Variants in ABCG1 observed in about 807,000 individuals in gnomAD.
The protein encoded by ABCG1 is ATP-binding cassette sub-family G member 1.
Under a neutral mutation model 69.2 loss-of-function variants are expected in ABCG1, and 29 were observed. The ratio of observed to expected loss-of-function variants is 0.42; its 90% confidence interval spans 0.31 to 0.57. ABCG1 has a LOEUF of 0.57. Ranked by LOEUF, ABCG1 falls within the 20% of genes least tolerant of loss-of-function variation. The pLI is 0.15. For missense variants in ABCG1, 718 were observed against 898.1 expected (o/e 0.80, Z 2.56); for synonymous variants, 370 against 374.8 (o/e 0.99, Z 0.15).
upstream of ABCG1, among the ~76,000 whole-genome samples, chr21:42,218,643 G>T (rs2067669273): frequency 6.8e-6 from 1 of 147,110 alleles, no homozygotes; most frequent in Non-Finnish European, 1.5e-5. Flanking sequence ...TGTTGGGGGC[G>T]TTGGAGTGGT....
chr21:42,213,248 C>T (rs2067606951), upstream of ABCG1, among the ~76,000 whole-genome samples: 1 of 152,226 alleles, frequency 6.6e-6, no homozygotes, highest in African/African-American at 2.4e-5. Flanking sequence ...GTCTGGGGGA[C>T]AGAACTATGC....
At chr21:42,262,896 T>G (rs1403364974) in intron 2 of ABCG1, among the ~76,000 whole-genome samples, 1 of 152,192 alleles carries the variant, frequency 6.6e-6, no homozygotes, top group Non-Finnish European at 1.5e-5. Flanking sequence ...CCCACCCCAG[T>G]GAGCTCTGGC....
chr21:42,279,073 C>T (rs2068759701), intron 5 of ABCG1, among the ~76,000 whole-genome samples: 1 of 152,160 alleles, frequency 6.6e-6, no homozygotes, highest in Non-Finnish European at 1.5e-5. Context: ...CCCCCGGCCT[C>T]CCTGCTTTCA....
intron 2 of ABCG1, among the ~76,000 whole-genome samples, chr21:42,252,568 G>A (rs924346819): frequency 2.6e-5 from 4 of 152,108 alleles, no homozygotes; most frequent in Non-Finnish European, 4.4e-5. Flanking sequence ...GCTTTGGATG[G>A]TCTCTGGTTG....
intron 6 of ABCG1, among the ~76,000 whole-genome samples, chr21:42,283,136 G>A (rs921420515): frequency 3.9e-5 from 6 of 152,294 alleles, no homozygotes; most frequent in South Asian, 2.1e-4. Flanking sequence ...CAGACTTTAC[G>A]TTGTCTCATT....
rs1601399356 is a variant in ABCG1, at chr21:42,255,504, G to A, written c.287-15566G>A. Among the ~76,000 whole-genome samples, 5 of 152,254 alleles carry A rather than the reference G, an allele frequency of 3.3e-5. 1 individual carries two copies. The stretch of plus-strand genomic sequence containing the variant: ...CACATGGTGTGTGCATGGCATGGGT[G>A]TGTATCATGGCCTGTGTGTGCACAC... On this transcript the variant is annotated intron_variant, in intron 2 of 14. Coordinates refer to ENST00000398449, the MANE Select transcript of ABCG1 (RefSeq NM_016818.3).
chr21:42,242,852 T>C (rs1315312167), intron 2 of ABCG1, among the ~76,000 whole-genome samples: 1 of 152,046 alleles, frequency 6.6e-6, no homozygotes, highest in Non-Finnish European at 1.5e-5. Context: ...CCTGAGGGCT[T>C]GTGAAAATGC....
chr21:42,294,769 G>A, intron 14 of ABCG1, 109 bp downstream of exon 14: 2 of 967,246 alleles, frequency 2.1e-6, no homozygotes, highest in Non-Finnish European at 3.3e-6. Flanking sequence ...CTGGCCAAGA[G>A]CAGATTACAC....
chr21:42,201,981 C>T (rs560554646), intron 2 of ABCG1, among the ~76,000 whole-genome samples: 1 of 152,330 alleles, frequency 6.6e-6, no homozygotes, highest in East Asian at 1.9e-4. Flanking sequence ...TGCCCTTGTC[C>T]CCCAAACCAC....
At chr21:42,274,484 T>C (rs1344511652) in intron 4 of ABCG1, among the ~76,000 whole-genome samples, 2 of 149,552 alleles carry the variant, frequency 1.3e-5, no homozygotes, top group African/African-American at 5.0e-5. Flanking sequence ...CCTTTTTTTT[T>C]TTTTTTTGGG....
In ABCG1 at chr21:42,296,244, AC is replaced by A; in HGVS notation, c.1854del (p.Phe619SerfsTer122). 6.2e-7 allele frequency: 1 copy of A among 1,614,180 alleles called. No individual in the cohort carries two copies. Among genetic ancestry groups the A allele is most frequent in the South Asian group, 1.1e-5 (1 of 91,080 alleles). ...CACTGTGACATCGACGAGACGTGCC[AC>A]TTCCAGAAGTCGGAGGCCATCCTGC... ...DLHCDIDETCHFQKSEAILRE... is the reference protein window; with the variant it reads ...DLHCDIDETCXFQKSEAILRE... On this transcript the variant is annotated frameshift_variant, in exon 15 of 15. Transcript: ENST00000398449. LOFTEE classifies it high-confidence loss of function. This position sits in a 1 kb window ranked among gnomAD's most constrained non-coding sequence, Gnocchi z 5.4.
At chr21:42,270,521 A>G (rs2092497871) in intron 2 of ABCG1, among the ~76,000 whole-genome samples, 2 of 152,078 alleles carry the variant, frequency 1.3e-5, no homozygotes, top group South Asian at 4.1e-4. Flanking sequence ...TATATTGATT[A>G]TTTAATCATA....
At chr21:42,224,581 C>A (rs2067784078) in intron 1 of ABCG1, among the ~76,000 whole-genome samples, 1 of 152,188 alleles carries the variant, frequency 6.6e-6, no homozygotes, top group Non-Finnish European at 1.5e-5. Flanking sequence ...TTTAGCCACA[C>A]AATATTATAG....
chr21:42,200,596 CTTTTT>C (rs200131320), intron 1 of ABCG1, among the ~76,000 whole-genome samples: 1 of 138,692 alleles, frequency 7.2e-6, no homozygotes, highest in East Asian at 2.1e-4. Context: ...TTATGTTGCA[CTTTTT>C]TTTTTTTTTT....
intron 2 of ABCG1, among the ~76,000 whole-genome samples, chr21:42,248,747 T>TA (rs58099499): frequency 0.084 from 12,058 of 144,254 alleles, 1,404 homozygotes; most frequent in African/African-American, 0.27. Context: ...TTTAAAAAAT[T>TA]AAAAAAAAAA....
chr21:42,277,706 A>G (rs2068735438), intron 5 of ABCG1, among the ~76,000 whole-genome samples: 1 of 152,228 alleles, frequency 6.6e-6, no homozygotes, highest in Non-Finnish European at 1.5e-5. Context: ...TAACACCCTT[A>G]AAGGCTCACA....
At chr21:42,229,542 A>ACCCTGTC (rs2067870183) in intron 2 of ABCG1, among the ~76,000 whole-genome samples, 1 of 152,196 alleles carries the variant, frequency 6.6e-6, no homozygotes, top group Middle Eastern at 3.4e-3. Context: ...ACATAGTGAA[A>ACCCTGTC]CCCTGTCTCT....
chr21:42,276,812 C>A lies in ABCG1; in HGVS notation c.538-83C>A. 2.8e-6 allele frequency: 4 copies of A among 1,409,206 alleles called. No homozygotes were observed. The highest frequency in any genetic ancestry group is 4.0e-6 in the Non-Finnish European group (4 of 999,756). The allele number at this position is 1,409,206 out of a possible 1,614,324, so 87.3% of individuals were successfully genotyped here. A position where few individuals can be genotyped will look rare whatever the true frequency, so the allele number is the denominator to read the frequency against. On this transcript the variant is annotated intron_variant, in intron 4 of 14. Transcript: ENST00000398449. This position sits in a 1 kb window ranked among gnomAD's most constrained non-coding sequence, Gnocchi z 5.3. ...CTAGCTGCATCTTGGCTAGCTGCAC[C>A]GTGGCCTGCAGTGCGGGCATGAGGC... is the stretch of plus-strand genomic sequence containing the variant.
At position 42,278,830 on chromosome 21, in the gene ABCG1, G is replaced by T. The variant is rs545847557; in HGVS notation, c.588+1885G>T. ...AGATGAACCCAAATCAACAGAACGG[G>T]GCCCTGGGATTGAGCCAGGGCGACC... On this transcript the variant is annotated intron_variant, in intron 5 of 14. Coordinates refer to ENST00000398449, the MANE Select transcript of ABCG1 (RefSeq NM_016818.3). Among the ~76,000 whole-genome samples the T allele has an allele frequency of 4.1e-3, 626 of 152,014 alleles. 6 individuals carry two copies. The highest frequency in any genetic ancestry group is 0.014 in the African/African-American group (600 of 41,470).
Sources: gnomAD v4.1 joint callset for allele counts (sites outside exome capture counted in the v4.1 genomes callset) on GRCh38, gnomAD v4.1.1 for gene constraint, Gnocchi (gnomAD v3.1) non-coding constraint, MANE v1.5 for transcripts, NCBI Gene and HGNC (gene_info 2026-07-23, HGNC 2026-07-21) for gene names.